LGSN: variants seen among roughly 807,000 people sequenced by gnomAD.
LGSN encodes the protein lengsin, lens protein with glutamine synthetase domain.
Under a neutral mutation model 19.5 loss-of-function variants are expected in LGSN, and 21 were observed. The ratio of observed to expected loss-of-function variants is 1.07; its 90% CI spans 0.76 to 1.55. The LOEUF is 1.55. Among genes scored for constraint, LGSN ranks in the 40% most tolerant of loss-of-function variants. LGSN has a pLI of 0.00. For missense variants in LGSN, 673 were observed against 608.5 expected, an observed-to-expected ratio of 1.11 and a Z score of -1.12; for synonymous variants, 257 against 215.6, an observed-to-expected ratio of 1.19 and a Z score of -1.68.
the LGSN span, among the ~76,000 whole-genome samples, chr6:63,559,174 C>A: frequency 6.6e-6 from 1 of 152,230 alleles, no homozygotes; most frequent in Non-Finnish European, 1.5e-5. Context: ...TTCATATTTA[C>A]AAATAACATG....
chr6:63,555,127 G>T, the LGSN span, among the ~76,000 whole-genome samples: 9 of 152,118 alleles, frequency 5.9e-5, no homozygotes, highest in African/African-American at 2.2e-4. Flanking sequence ...GTTCATTTCT[G>T]GTAATATAAG....
chr6:63,320,801 C>T (rs139472603), upstream of LGSN, among the ~76,000 whole-genome samples: 1 of 152,304 alleles, frequency 6.6e-6, no homozygotes, highest in East Asian at 1.9e-4. Flanking sequence ...GTCTCCATGG[C>T]TAATCACTTC....
the LGSN span, among the ~76,000 whole-genome samples, chr6:63,407,145 T>C: frequency 6.6e-6 from 1 of 151,740 alleles, no homozygotes; most frequent in East Asian, 1.9e-4. Flanking sequence ...TTCCAATCAA[T>C]AGAAAAAGAG....
the LGSN span, among the ~76,000 whole-genome samples, chr6:63,447,914 A>G: frequency 2.0e-5 from 3 of 152,220 alleles, no homozygotes; most frequent in African/African-American, 7.2e-5. Flanking sequence ...AGGAAATCCA[A>G]TAAGTTGTCC....
At chr6:63,549,467 C>A in the LGSN span, 1 of 795,078 alleles carries the variant, frequency 1.3e-6, no homozygotes, top group Non-Finnish European at 2.2e-6. Context: ...ACAGCAGGGC[C>A]GGAGCCACCT....
the LGSN span, among the ~76,000 whole-genome samples, chr6:63,416,208 C>A: frequency 6.6e-6 from 1 of 150,436 alleles, no homozygotes; most frequent in Admixed American, 6.7e-5. Context: ...CAGCACGATT[C>A]ATTGCTACTG....
chr6:63,558,979 G>A, the LGSN span, among the ~76,000 whole-genome samples: 1 of 152,190 alleles, frequency 6.6e-6, no homozygotes, highest in Non-Finnish European at 1.5e-5. Context: ...GTTGAAGGGT[G>A]ATTAGCTTTA....
the LGSN span, among the ~76,000 whole-genome samples, chr6:63,428,540 G>A: frequency 6.6e-6 from 1 of 151,922 alleles, no homozygotes; most frequent in Non-Finnish European, 1.5e-5. Flanking sequence ...TAGTAGAGAC[G>A]GGGTTTCACC....
the LGSN span, among the ~76,000 whole-genome samples, chr6:63,460,065 C>A: frequency 9.6e-3 from 1,104 of 114,490 alleles, 9 homozygotes; most frequent in Middle Eastern, 0.017. Context: ...AAATCCTAGT[C>A]TTTCAAATCT....
At chr6:63,542,640 T>C in the LGSN span, among the ~76,000 whole-genome samples, 3 of 152,170 alleles carry the variant, frequency 2.0e-5, no homozygotes, top group African/African-American at 7.2e-5. Context: ...GCGCTTCACA[T>C]AGTTGACCAG....
the LGSN span, among the ~76,000 whole-genome samples, chr6:63,425,421 T>TGGAA: frequency 6.6e-6 from 1 of 152,148 alleles, no homozygotes; most frequent in Admixed American, 6.5e-5. Flanking sequence ...GTTCATGCCA[T>TGGAA]GGAATACTAC....
chr6:63,294,822 AAAAAG>A, intron 2 of LGSN, 86 bp downstream of exon 2: 2 of 1,337,308 alleles, frequency 1.5e-6, no homozygotes, highest in Non-Finnish European at 2.1e-6. Context: ...GCTTCTCCCA[AAAAAG>A]AAATGAAGAT....
chr6:63,351,318 A>T, the LGSN span, among the ~76,000 whole-genome samples: 4 of 152,126 alleles, frequency 2.6e-5, no homozygotes, highest in Admixed American at 2.6e-4. Context: ...TAGCAGCCTG[A>T]AAAGATTAAG....
At chr6:63,382,649 G>C in the LGSN span, among the ~76,000 whole-genome samples, 1 of 152,116 alleles carries the variant, frequency 6.6e-6, no homozygotes, top group African/African-American at 2.4e-5. Flanking sequence ...TATGTGCCTG[G>C]GTGATTGAGG....
intron 1 of LGSN, among the ~76,000 whole-genome samples, chr6:63,313,301 G>A (rs1428690718): frequency 6.6e-6 from 1 of 152,038 alleles, no homozygotes; most frequent in African/African-American, 2.4e-5. Flanking sequence ...GCCTTGGTAA[G>A]GACAGTCACG....
At chr6:63,302,673 T>C (rs1325940770) in intron 1 of LGSN, among the ~76,000 whole-genome samples, 2 of 152,228 alleles carry the variant, frequency 1.3e-5, no homozygotes, top group African/African-American at 2.4e-5. Flanking sequence ...TCAAGTCAAA[T>C]TGCCTACAAT....
chr6:63,466,051 A>G, the LGSN span, among the ~76,000 whole-genome samples: 3 of 152,216 alleles, frequency 2.0e-5, no homozygotes, highest in Admixed American at 6.5e-5. Context: ...TTTACTGCCA[A>G]CTCAAATTCC....
At chr6:63,449,538 C>T in the LGSN span, among the ~76,000 whole-genome samples, 15 of 146,182 alleles carry the variant, frequency 1.0e-4, no homozygotes, top group Non-Finnish European at 1.5e-4. Flanking sequence ...AGCGAGACTC[C>T]GTCAAAAAAA....
chr6:63,360,283 C>T, the LGSN span, among the ~76,000 whole-genome samples: 1 of 152,212 alleles, frequency 6.6e-6, no homozygotes, highest in African/African-American at 2.4e-5. Flanking sequence ...TTCTCCCTGT[C>T]ACTTTCAGGT....
Sources: allele counts gnomAD v4.1 joint callset (sites outside exome capture counted in the v4.1 genomes callset), GRCh38; gene constraint gnomAD v4.1.1; transcripts MANE v1.5; gene names NCBI Gene and HGNC (gene_info 2026-07-23, HGNC 2026-07-21).